DNAH6: variants seen among roughly 807,000 people sequenced by gnomAD.
DNAH6 encodes the protein dynein axonemal heavy chain 6.
In DNAH6, 340 loss-of-function variants were observed where a neutral mutation model predicts 491.4. The ratio of observed to expected loss-of-function variants is 0.69; its 90% CI spans 0.63 to 0.76. The LOEUF is 0.76. DNAH6 is among the 30% of genes least tolerant of loss of function. The probability of loss-of-function intolerance (pLI) is 0.00; values close to 1 mark genes in which losing one functional copy is unlikely to be tolerated. For synonymous variants in DNAH6, 1,603 were observed against 1,686.1 expected, an observed-to-expected ratio of 0.95 and a Z score of 1.21; for missense variants, 4,443 against 4,972.2, an observed-to-expected ratio of 0.89 and a Z score of 3.20.
chr2:84,704,445 T>A, intron 51 of DNAH6, 143 bp downstream of exon 51: 1 of 662,044 alleles, frequency 1.5e-6, no homozygotes, highest in Non-Finnish European at 2.6e-6. Flanking sequence ...TCAAGGAGCA[T>A]TTTCTTCCCC....
At chr2:84,571,202 A>C (rs1681824021) in intron 11 of DNAH6, among the ~76,000 whole-genome samples, 1 of 152,250 alleles carries the variant, frequency 6.6e-6, no homozygotes, top group African/African-American at 2.4e-5. Context: ...ATAAATGTAG[A>C]AAGAAAACAC....
the DNAH6 span, among the ~76,000 whole-genome samples, chr2:84,479,668 TAAAAGAG>T: frequency 2.0e-5 from 3 of 152,066 alleles, no homozygotes; most frequent in African/African-American, 7.2e-5. Context: ...AAGGGAACCA[TAAAAGAG>T]ACCCAAGAGT....
chr2:84,754,979 T>G (rs1673854386), intron 63 of DNAH6, among the ~76,000 whole-genome samples: 1 of 152,236 alleles, frequency 6.6e-6, no homozygotes, highest in South Asian at 2.1e-4. Flanking sequence ...TTCATAGTTC[T>G]CAGAGAAGAA....
At position 84,624,563 on chromosome 2, in the gene DNAH6, C is replaced by T. The variant is rs1193229107; in HGVS notation, c.4296C>T (p.Tyr1432=). ...NCVARMALSQ[Y]TYGYEYLGAC... is the part of the protein sequence containing the mutation. ...TGGCTAGAATGGCGCTCTCTCAGTA[C>T]ACTTATGGCTATGAATATTTGGGTG... The change falls in exon 28 of 77, where the codon TAC becomes TAT. Residue 1432 remains tyrosine (Y), a synonymous_variant. Transcript: ENST00000389394. 1.3e-6 allele frequency: 2 copies of T among 1,551,520 alleles called. No individual in the cohort carries two copies. Among genetic ancestry groups the T allele is most frequent in the East Asian group, 2.4e-5 (1 of 40,918 alleles).
chr2:84,553,369 CTTTCT>C (rs1679636227), intron 10 of DNAH6, among the ~76,000 whole-genome samples: 1 of 14,964 alleles, frequency 6.7e-5, no homozygotes, highest in Non-Finnish European at 1.4e-4. Context: ...CTTTTCTTTT[CTTTCT>C]TTCTTTCTTT....
chr2:84,659,200 A>C, intron 37 of DNAH6, 31 bp downstream of exon 37: 1 of 1,153,836 alleles, frequency 8.7e-7, no homozygotes, highest in South Asian at 2.2e-5. Flanking sequence ...ATTTTAACAT[A>C]ATAATTCTGA....
intron 39 of DNAH6, among the ~76,000 whole-genome samples, chr2:84,671,679 C>A (rs964985762): frequency 2.0e-5 from 3 of 152,156 alleles, no homozygotes; most frequent in African/African-American, 7.2e-5. Flanking sequence ...TCCAGGGGGC[C>A]ACAGGATGGA....
At chr2:84,615,780 TTTTTTTGCAGC>T (rs1447974250) in intron 22 of DNAH6, among the ~76,000 whole-genome samples, 1 of 151,996 alleles carries the variant, frequency 6.6e-6, no homozygotes, top group African/African-American at 2.4e-5. Context: ...CTAAGTATTT[TTTTTTTGCAGC>T]TATTGTATTT....
intron 62 of DNAH6, among the ~76,000 whole-genome samples, chr2:84,733,822 T>C (rs1009010429): frequency 6.6e-6 from 1 of 152,154 alleles, no homozygotes; most frequent in Non-Finnish European, 1.5e-5. Flanking sequence ...TTTATGTATA[T>C]ATTTGAGAAT....
chr2:84,647,094 G>A (rs1689974512), intron 33 of DNAH6, among the ~76,000 whole-genome samples: 1 of 152,070 alleles, frequency 6.6e-6, no homozygotes, highest in Non-Finnish European at 1.5e-5. Flanking sequence ...TGATCAGCCC[G>A]CCTCAGCCTC....
chr2:84,480,966 A>C, the DNAH6 span, among the ~76,000 whole-genome samples: 1 of 152,092 alleles, frequency 6.6e-6, no homozygotes, highest in Admixed American at 6.5e-5. Flanking sequence ...CTGTCTCAAA[A>C]AAAAAAGAAA....
At chr2:84,621,392 A>G in intron 25 of DNAH6, 37 bp downstream of exon 25, 1 of 1,547,408 alleles carries the variant, frequency 6.5e-7, no homozygotes, top group South Asian at 1.2e-5. Context: ...CTGAATTCTT[A>G]TTTGGTGATA....
chr2:84,673,338 T>TC (rs1692927012), intron 40 of DNAH6, among the ~76,000 whole-genome samples: 1 of 151,858 alleles, frequency 6.6e-6, no homozygotes, highest in South Asian at 2.1e-4. Flanking sequence ...TATGGAAAGA[T>TC]CCCCTTGGCT....
intron 63 of DNAH6, among the ~76,000 whole-genome samples, chr2:84,752,895 G>T (rs1489776163): frequency 2.6e-5 from 4 of 152,068 alleles, no homozygotes; most frequent in African/African-American, 9.7e-5. Flanking sequence ...TTTTTGTGTG[G>T]ACATGGGTTT....
chr2:84,500,568 A>G, the DNAH6 span, among the ~76,000 whole-genome samples: 5 of 152,120 alleles, frequency 3.3e-5, no homozygotes, highest in Non-Finnish European at 5.9e-5. Flanking sequence ...TTCTGTGAAG[A>G]ATGTCATTGA....
At chr2:84,542,821 A>T (rs999912578) in intron 4 of DNAH6, among the ~76,000 whole-genome samples, 1 of 152,180 alleles carries the variant, frequency 6.6e-6, no homozygotes, top group Non-Finnish European at 1.5e-5. Context: ...TGAATTTTCC[A>T]TACAACATTT....
intron 9 of DNAH6, among the ~76,000 whole-genome samples, chr2:84,551,912 G>A (rs1679409898): frequency 6.6e-6 from 1 of 152,160 alleles, no homozygotes; most frequent in South Asian, 2.1e-4. Flanking sequence ...GCCAGGCATG[G>A]TGGTGGGTGC....
chr2:84,524,217 T>C (rs1305262475), intron 2 of DNAH6, among the ~76,000 whole-genome samples: 2 of 151,858 alleles, frequency 1.3e-5, no homozygotes, highest in Middle Eastern at 3.4e-3. Flanking sequence ...TGTCTTTTTT[T>C]TTTTTAATTT....
At chr2:84,562,425 A>C (rs1680773780) in intron 11 of DNAH6, among the ~76,000 whole-genome samples, 2 of 152,202 alleles carry the variant, frequency 1.3e-5, no homozygotes, top group Non-Finnish European at 2.9e-5. Flanking sequence ...GCTGGATATA[A>C]GAGAGAAATC....
Sources: gnomAD v4.1 joint callset for allele counts (sites outside exome capture counted in the v4.1 genomes callset) on GRCh38, gnomAD v4.1.1 for gene constraint, MANE v1.5 for transcripts, NCBI Gene and HGNC (gene_info 2026-07-23, HGNC 2026-07-21) for gene names.